The following CNTNAP2 variants were observed in gnomAD, a reference collection of about 807,000 sequenced individuals.
CNTNAP2 encodes the protein contactin-associated protein-like 2.
In CNTNAP2, 98 loss-of-function variants were observed where a neutral mutation model predicts 155.2. The ratio of observed to expected loss-of-function variants is 0.63; its 90% CI spans 0.54 to 0.75. CNTNAP2 has a LOEUF of 0.75. CNTNAP2 is among the 30% of genes least tolerant of loss of function. The pLI is 0.00. For missense variants in CNTNAP2, 1,727 were observed against 1,688.1 expected, an observed-to-expected ratio of 1.02 and a Z score of -0.40; for synonymous variants, 651 against 631.2, an observed-to-expected ratio of 1.03 and a Z score of -0.47.
chr7:148,024,173 A>ACAAAAAAAAAAAC lies in CNTNAP2; in HGVS notation c.2383+46184_2383+46185insCAAAAAAAAAAAC, dbSNP rs1554463584. ...TTTAAAGTGTAAAAAAAAAAAAAAAAAAAAAACTTTATAACATCCTGAGAA... is the reference window on the plus strand; with the variant it reads ...TTTAAAGTGTAAAAAAAAAAAAAAAACAAAAAAAAAAACAAAAAACTTTATAACATCCTGAGAA... On this transcript the variant is annotated intron_variant, in intron 15 of 23. Transcript: ENST00000361727. 2.7e-5 allele frequency among the ~76,000 whole-genome samples: 4 copies of ACAAAAAAAAAAAC among 147,984 alleles called. No individual in the cohort carries two copies. In the East Asian group the frequency reaches 6.8e-4, roughly 25 times the overall value.
At chr7:148,183,605 C>G (rs1188625997) in intron 18 of CNTNAP2, among the ~76,000 whole-genome samples, 1 of 151,534 alleles carries the variant, frequency 6.6e-6, no homozygotes, top group Non-Finnish European at 1.5e-5. Context: ...CCTTGGCCCC[C>G]AGAGTAGCTG....
At chr7:148,005,638 G>A (rs985472034) in intron 15 of CNTNAP2, among the ~76,000 whole-genome samples, 1 of 151,944 alleles carries the variant, frequency 6.6e-6, no homozygotes, top group Non-Finnish European at 1.5e-5. Context: ...GAAAATTGGG[G>A]CTAAAGGTGA....
intron 9 of CNTNAP2, among the ~76,000 whole-genome samples, chr7:147,392,215 C>A (rs1459044667): frequency 6.6e-6 from 1 of 152,092 alleles, no homozygotes; most frequent in African/African-American, 2.4e-5. Context: ...AGCCATCACG[C>A]TTCTTTTAAG....
chr7:147,457,594 T>G (rs912553419), intron 10 of CNTNAP2, among the ~76,000 whole-genome samples: 5 of 152,158 alleles, frequency 3.3e-5, no homozygotes, highest in Middle Eastern at 3.4e-3. Context: ...TTCCCTTCGC[T>G]GTTGCATTCT....
chr7:148,272,922 G>T (rs1796808179), intron 21 of CNTNAP2, among the ~76,000 whole-genome samples: 1 of 152,198 alleles, frequency 6.6e-6, no homozygotes, highest in South Asian at 2.1e-4. Context: ...TGAGAGACGA[G>T]AGAATCAATT....
chr7:146,402,219 A>G (rs1458798180), intron 1 of CNTNAP2, among the ~76,000 whole-genome samples: 1 of 152,174 alleles, frequency 6.6e-6, no homozygotes, highest in African/African-American at 2.4e-5. Flanking sequence ...TCAAATTACC[A>G]ACTATTTTAT....
intron 9 of CNTNAP2, among the ~76,000 whole-genome samples, chr7:147,326,084 G>A (rs574636047): frequency 2.6e-4 from 40 of 152,100 alleles, no homozygotes; most frequent in South Asian, 8.3e-4. Context: ...CACCACACCC[G>A]GCTAATTGCT....
At chr7:146,140,728 CACAA>C (rs1466522158) in intron 1 of CNTNAP2, among the ~76,000 whole-genome samples, 2 of 152,046 alleles carry the variant, frequency 1.3e-5, no homozygotes, top group African/African-American at 4.8e-5. Flanking sequence ...CTCTCTACAT[CACAA>C]ACAACCATGC....
In CNTNAP2 at chr7:147,297,030, T is replaced by C. The variant is rs1794831645; in HGVS notation, c.1349-3111T>C. Among the ~76,000 whole-genome samples, 4 of 152,200 alleles carry C rather than the reference T, an allele frequency of 2.6e-5. No individual in the cohort carries two copies. The South Asian group carries it at 8.3e-4, about 31-fold the overall frequency. ...GAGAAAGGTCAATTACAAATGGACTTAGGATGATGGGGATTTCCAGGAACA... is the reference window on the plus strand; with the variant it reads ...GAGAAAGGTCAATTACAAATGGACTCAGGATGATGGGGATTTCCAGGAACA... On this transcript the variant is annotated intron_variant, in intron 8 of 23. Coordinates refer to ENST00000361727, the MANE Select transcript of CNTNAP2 (RefSeq NM_014141.6).
intron 13 of CNTNAP2, among the ~76,000 whole-genome samples, chr7:147,879,732 G>A (rs920138388): frequency 3.9e-5 from 6 of 152,168 alleles, no homozygotes; most frequent in African/African-American, 1.4e-4. Flanking sequence ...ATACTGGAGA[G>A]AAACACATGC....
At chr7:147,362,193 T>A (rs1563175324) in intron 9 of CNTNAP2, among the ~76,000 whole-genome samples, 1 of 152,140 alleles carries the variant, frequency 6.6e-6, no homozygotes, top group South Asian at 2.1e-4. Flanking sequence ...AGTGCAGTGG[T>A]GCGATCACAG....
chr7:146,155,658 A>G (rs1237148736), intron 1 of CNTNAP2, among the ~76,000 whole-genome samples: 3 of 150,192 alleles, frequency 2.0e-5, no homozygotes, highest in East Asian at 3.9e-4. Flanking sequence ...AGTAAATACA[A>G]TTATAAATAA....
chr7:146,753,847 A>G (rs1801946760), intron 1 of CNTNAP2, among the ~76,000 whole-genome samples: 1 of 152,036 alleles, frequency 6.6e-6, no homozygotes, highest in Admixed American at 6.6e-5. Flanking sequence ...TGCTTGTGGT[A>G]ACATAGGATA....
At chr7:148,265,659 G>T (rs914965490) in intron 20 of CNTNAP2, among the ~76,000 whole-genome samples, 5 of 152,148 alleles carry the variant, frequency 3.3e-5, no homozygotes, top group African/African-American at 1.2e-4. Flanking sequence ...AATAGTTTTT[G>T]GGGGTGGGGT....
At chr7:148,020,132 G>C (rs568590992) in intron 15 of CNTNAP2, among the ~76,000 whole-genome samples, 13 of 152,280 alleles carry the variant, frequency 8.5e-5, no homozygotes, top group Admixed American at 3.3e-4. Flanking sequence ...AAAGGATATT[G>C]CTTCACCTTT....
intron 8 of CNTNAP2, among the ~76,000 whole-genome samples, chr7:147,202,859 A>T (rs114563614): frequency 0.42 from 62,717 of 149,674 alleles, 13,171 homozygotes; most frequent in East Asian, 0.61. Context: ...ATTAAAAAAA[A>T]ATATATATAT....
In CNTNAP2 at chr7:147,009,147, G is replaced by T. The variant is rs560278114; in HGVS notation, c.403-34760G>T. On this transcript the variant is annotated intron_variant, in intron 3 of 23. Transcript: ENST00000361727. ...ATACACAAACATACATATAAGTAGC[G>T]CAAGTTTCCATGTCAAGTGTACCTA... 2.6e-5 allele frequency among the ~76,000 whole-genome samples: 4 copies of T among 152,008 alleles called. No individual in the cohort carries two copies. The East Asian group carries it at 7.7e-4, about 29-fold the overall frequency.
chr7:148,310,329 T>C (rs1232680415), intron 21 of CNTNAP2, among the ~76,000 whole-genome samples: 1 of 152,200 alleles, frequency 6.6e-6, no homozygotes, highest in East Asian at 1.9e-4. Context: ...GTCCTCCTTT[T>C]TCAGCAGTGA....
Position 147,559,298 on chromosome 7 carries a change from T to A in CNTNAP2, c.1778-2840T>A, listed in dbSNP as rs565715517. On this transcript the variant is annotated intron_variant, in intron 11 of 23. Transcript: ENST00000361727. ...AGCGAGCTCCTGTGGGGAATTTGCC[T>A]GACCAGAGCACAACATTCACATTGG... Among the ~76,000 whole-genome samples, 114 of 152,320 alleles carry A rather than the reference T, an allele frequency of 7.5e-4. No homozygotes were observed. The East Asian group carries it at 0.01, about 14-fold the overall frequency.
Sources: allele counts gnomAD v4.1 joint callset (sites outside exome capture counted in the v4.1 genomes callset), GRCh38; gene constraint gnomAD v4.1.1; transcripts MANE v1.5; gene names NCBI Gene and HGNC (gene_info 2026-07-23, HGNC 2026-07-21).